PCDHGA7: variants seen among roughly 807,000 people sequenced by gnomAD.
PCDHGA7 encodes the protein protocadherin gamma subfamily A, 7.
Under a neutral mutation model 58.3 loss-of-function variants are expected in PCDHGA7, and 44 were observed. That is an observed-to-expected ratio of 0.75 (90% CI 0.59 to 0.97). The LOEUF (loss-of-function observed/expected upper bound fraction) is 0.97, where lower values mean the gene tolerates loss of function less well. Ranked by LOEUF, PCDHGA7 falls within the 50% of genes least tolerant of loss-of-function variation. PCDHGA7 has a pLI of 0.00. For missense variants in PCDHGA7, 1,266 were observed against 1,188.7 expected (o/e 1.06, Z -0.96); for synonymous variants, 516 against 504.2 (o/e 1.02, Z -0.31).
At chr5:141,415,447 T>C in intron 1 of PCDHGA7, 1 of 1,614,200 alleles carries the variant, frequency 6.2e-7, no homozygotes, top group South Asian at 1.1e-5. Context: ...GCAGACCTAT[T>C]CCCACGAGGT....
intron 1 of PCDHGA7, chr5:141,419,330 C>T: frequency 1.2e-6 from 2 of 1,613,956 alleles, no homozygotes; most frequent in South Asian, 1.1e-5. Flanking sequence ...CTCCTACTCT[C>T]TCATTGCCAG....
chr5:141,409,173 G>T (rs1235074997), intron 1 of PCDHGA7: 3 of 1,614,028 alleles, frequency 1.9e-6, no homozygotes. Flanking sequence ...GCGAAGGACG[G>T]AGGTGGTCTC....
At chr5:141,405,054 C>T (rs773491411) in intron 1 of PCDHGA7, 7 of 1,613,806 alleles carry the variant, frequency 4.3e-6, no homozygotes, top group Admixed American at 1.7e-5. Flanking sequence ...GCAGTCGTCT[C>T]CTGTGTCTTC....
chr5:141,491,381 C>A lies in PCDHGA7; in HGVS notation c.2425-3426C>A. On this transcript the variant is annotated intron_variant, in intron 1 of 3. Transcript: ENST00000518325. This position sits in a 1 kb window ranked among gnomAD's most constrained non-coding sequence, Gnocchi z 6.9. ...CTAGTCACCTTCACCTTTCTGTCAGCGAAGTGCCTTCAGGGAAACGCAGAC... is the reference window on the plus strand; with the variant it reads ...CTAGTCACCTTCACCTTTCTGTCAGAGAAGTGCCTTCAGGGAAACGCAGAC... 2 of 1,614,068 alleles carry A rather than the reference C, an allele frequency of 1.2e-6. No homozygotes were observed. The highest frequency in any genetic ancestry group is 1.7e-6 in the Non-Finnish European group (2 of 1,179,950).
rs1778741644 is a variant in PCDHGA7 at position 141,383,038 on chromosome 5, G to A, written c.139G>A (p.Asp47Asn). Reference protein sequence around the residue: ...EETDKGSFVGDIAKDLGLEPR... With the variant: ...EETDKGSFVGNIAKDLGLEPR... Reference sequence around the variant, plus strand: ...GACGGACAAAGGGTCCTTTGTGGGAGACATCGCCAAGGACCTGGGGCTGGA... The same window carrying A: ...GACGGACAAAGGGTCCTTTGTGGGAAACATCGCCAAGGACCTGGGGCTGGA... Residue 47 changes from aspartate to asparagine, a missense_variant, in exon 1 of 4, where the codon GAC becomes AAC. Coordinates refer to ENST00000518325, the MANE Select transcript of PCDHGA7 (RefSeq NM_018920.4). 6.2e-7 allele frequency: 1 copy of A among 1,613,858 alleles called. No homozygotes were observed.
chr5:141,472,579 G>T (rs1172183592), intron 1 of PCDHGA7, among the ~76,000 whole-genome samples: 3 of 151,928 alleles, frequency 2.0e-5, no homozygotes, highest in Non-Finnish European at 4.4e-5. Context: ...GCATCTCATT[G>T]GTCAGAAGCT....
chr5:141,419,259 C>A (rs765877993), intron 1 of PCDHGA7: 11 of 1,614,016 alleles, frequency 6.8e-6, no homozygotes, highest in Non-Finnish European at 9.3e-6. Flanking sequence ...AACAACCAGC[C>A]GGGTGCCTCC....
rs2099883868 is a variant in PCDHGA7 at position 141,511,590 on chromosome 5, A to G, written c.*417A>G. On this transcript the variant is annotated 3_prime_UTR_variant, in exon 4 of 4. Transcript: ENST00000518325. The stretch of plus-strand genomic sequence containing the variant: ...AGTAAGGTGGTTGGGGTGTTGAAGT[A>G]CCAAGTAACCTACAAGCCTCCTAGT... 3.7e-6 allele frequency: 1 copy of G among 267,908 alleles called. No individual in the cohort carries two copies. The highest frequency in any genetic ancestry group is 7.4e-6 in the Non-Finnish European group (1 of 135,038). 16.6% of individuals were successfully genotyped at this position (267,908 alleles called of 1,614,324 possible). A position where few individuals can be genotyped will look rare whatever the true frequency, so the allele number is the denominator to read the frequency against.
Position 141,454,796 on chromosome 5 carries a change from A to ATTTTTTTTTTTTT in PCDHGA7, c.2425-39994_2425-39982dup, listed in dbSNP as rs61612330. On this transcript the variant is annotated intron_variant, in intron 1 of 3. Coordinates refer to ENST00000518325, the MANE Select transcript of PCDHGA7 (RefSeq NM_018920.4). ...AAGGAAATAATCCTCCATGGTTCTAATTTTTTTTTTTTTTTTTTTTTTTTT... is the reference window on the plus strand; with the variant it reads ...AAGGAAATAATCCTCCATGGTTCTAATTTTTTTTTTTTTTTTTTTTTTTTTTTTTTTTTTTTTT... Among the ~76,000 whole-genome samples the ATTTTTTTTTTTTT allele has an allele frequency of 1.7e-3, 135 of 77,462 alleles. 8 individuals carry two copies. The highest frequency in any genetic ancestry group is 2.5e-3 in the Admixed American group (14 of 5,554). The allele number at this position is 77,462 out of a possible 152,430, so 50.8% of individuals were successfully genotyped here.
rs1591273286 is a variant in PCDHGA7, at chr5:141,433,311, T to A, written c.2424+47988T>A. 11 of 870,402 alleles carry A rather than the reference T, an allele frequency of 1.3e-5. No individual in the cohort carries two copies. The East Asian group carries it at 2.9e-4, about 23-fold the overall frequency. 53.9% of individuals were successfully genotyped at this position (870,402 alleles called of 1,614,324 possible). A position where few individuals can be genotyped will look rare whatever the true frequency, so the allele number is the denominator to read the frequency against. On this transcript the variant is annotated intron_variant, in intron 1 of 3. Coordinates refer to ENST00000518325, the MANE Select transcript of PCDHGA7 (RefSeq NM_018920.4). Reference sequence around the variant, plus strand: ...TAGGCTCAAGCAATTATCCCACCTTTGCCTCCGGTGTAACAGGGACTACAG... The same window carrying A: ...TAGGCTCAAGCAATTATCCCACCTTAGCCTCCGGTGTAACAGGGACTACAG...
At position 141,431,645 on chromosome 5, in the gene PCDHGA7, T is replaced by G. The variant is rs2097404203; in HGVS notation, c.2424+46322T>G. ...GGCGGCCCAAGTTTTCAAACTAGAT[T>G]GTAATTCAGGGACAATATCAACAAT... On this transcript the variant is annotated intron_variant, in intron 1 of 3. Coordinates refer to ENST00000518325, the MANE Select transcript of PCDHGA7 (RefSeq NM_018920.4). This position sits in a 1 kb window ranked among gnomAD's most constrained non-coding sequence, Gnocchi z 4.8. The G allele has an allele frequency of 2.5e-6, 4 of 1,614,236 alleles. No homozygotes were observed. Among genetic ancestry groups the G allele is most frequent in the Non-Finnish European group, 3.4e-6 (4 of 1,180,044 alleles).
At chr5:141,441,527 A>G (rs2098252922) in intron 1 of PCDHGA7, 2 of 173,076 alleles carry the variant, frequency 1.2e-5, no homozygotes, top group African/African-American at 2.4e-5. Flanking sequence ...GTGGCCAAGA[A>G]CAATCTTCCC....
intron 1 of PCDHGA7, among the ~76,000 whole-genome samples, chr5:141,482,048 G>A (rs375214441): frequency 1.3e-5 from 2 of 150,044 alleles, no homozygotes; most frequent in Non-Finnish European, 2.9e-5. Flanking sequence ...TCATGCTGTT[G>A]CATTCCAGCC....
chr5:141,398,945 T>G, intron 1 of PCDHGA7: 3 of 1,613,974 alleles, frequency 1.9e-6, no homozygotes, highest in Non-Finnish European at 2.5e-6. Context: ...GACGAGGGCA[T>G]CAACTCAGAA....
rs1231863269 is a variant in PCDHGA7 at position 141,485,594 on chromosome 5, G to A, written c.2425-9213G>A. 1.9e-6 allele frequency: 3 copies of A among 1,612,578 alleles called. No individual in the cohort carries two copies. The highest frequency in any genetic ancestry group is 2.5e-6 in the Non-Finnish European group (3 of 1,178,798). On this transcript the variant is annotated intron_variant, in intron 1 of 3. Transcript: ENST00000518325. The surrounding 1 kb of genome is among the most constrained non-coding windows in gnomAD (Gnocchi z 5.7). ...TTTTCCGCGGCAGCAGCTGGACTTGGAAATTGGGGAGGCAGCTCCTCCAGG... is the reference window on the plus strand; with the variant it reads ...TTTTCCGCGGCAGCAGCTGGACTTGAAAATTGGGGAGGCAGCTCCTCCAGG...
At chr5:141,409,334 G>A (rs767579166) in intron 1 of PCDHGA7, 1 of 1,613,974 alleles carries the variant, frequency 6.2e-7, no homozygotes, top group South Asian at 1.1e-5. Flanking sequence ...GGATTTCGGA[G>A]GAAATGGAGA....
intron 1 of PCDHGA7, among the ~76,000 whole-genome samples, chr5:141,449,030 G>C (rs2098623784): frequency 6.6e-6 from 1 of 152,012 alleles, no homozygotes; most frequent in Non-Finnish European, 1.5e-5. Context: ...GCATTCCTTT[G>C]GATTATTAAC....
chr5:141,393,522 G>C, intron 1 of PCDHGA7: 2 of 1,614,030 alleles, frequency 1.2e-6, no homozygotes, highest in South Asian at 2.2e-5. Flanking sequence ...GGATACAAAT[G>C]ACAATGCCCC....
At chr5:141,412,198 G>T (rs1248911071) in intron 1 of PCDHGA7, 1 of 152,180 alleles carries the variant, frequency 6.6e-6, no homozygotes, top group African/African-American at 2.4e-5. Flanking sequence ...ATGAAAACAG[G>T]TCATTTGACA....
Sources: allele counts gnomAD v4.1 joint callset (sites outside exome capture counted in the v4.1 genomes callset), GRCh38; gene constraint gnomAD v4.1.1; non-coding constraint Gnocchi (gnomAD v3.1); transcripts MANE v1.5; gene names NCBI Gene and HGNC (gene_info 2026-07-23, HGNC 2026-07-21).